The following RECK variants were observed in gnomAD, a reference collection of about 807,000 sequenced individuals.
RECK encodes the protein reversion-inducing cysteine-rich protein with Kazal motifs.
Under a neutral mutation model 115.1 loss-of-function variants are expected in RECK, and 69 were observed. The ratio of observed to expected loss-of-function variants is 0.60; its 90% CI spans 0.49 to 0.73. The LOEUF (loss-of-function observed/expected upper bound fraction) is 0.73. Among genes scored for constraint, RECK ranks in the 30% least tolerant of loss-of-function variants. The pLI is 0.00. For synonymous variants in RECK, 414 were observed against 419.7 expected (o/e 0.99, Z 0.17); for missense variants, 1,047 against 1,203.7 (o/e 0.87, Z 1.93).
In RECK at chr9:36,122,887, T is replaced by G; in HGVS notation, c.2758T>G (p.Leu920Val). ...ESLINSDSPTLASHVPLSALI... is the reference protein window; with the variant it reads ...ESLINSDSPTVASHVPLSALI... ...CCTTATCAACTCTGACAGCCCGACTTTGGCGTCCCATGTCCCTCTCTCTGC... is the reference window on the plus strand; with the variant it reads ...CCTTATCAACTCTGACAGCCCGACTGTGGCGTCCCATGTCCCTCTCTCTGC... The change falls in exon 21 of 21, where the codon TTG becomes GTG. Residue 920 changes from leucine to valine, a missense_variant. Leu to Val is a conservative substitution (Grantham distance 32, BLOSUM62 1). Coordinates refer to ENST00000377966, the MANE Select transcript of RECK (RefSeq NM_021111.3). The G allele has an allele frequency of 6.2e-7, 1 of 1,614,236 alleles. No individual in the cohort carries two copies. The highest frequency in any genetic ancestry group is 1.7e-5 in the Admixed American group (1 of 60,022).
intron 6 of RECK, among the ~76,000 whole-genome samples, chr9:36,075,396 A>G (rs7873363): frequency 0.025 from 3,872 of 152,218 alleles, 171 homozygotes; most frequent in African/African-American, 0.087. Flanking sequence ...GTCTAGACCT[A>G]TAAAGCTCAT....
At chr9:36,069,555 G>A (rs563908571) in intron 6 of RECK, among the ~76,000 whole-genome samples, 40 of 150,354 alleles carry the variant, frequency 2.7e-4, no homozygotes, top group African/African-American at 9.5e-4. Context: ...CAGTATAATT[G>A]AAATACAAAC....
rs540897034 is a variant in RECK, at chr9:36,114,358, G to A, written c.2060+1882G>A. ...TGTAAATTAAATTAAAACTACAATT[G>A]TGTACCACTTTCCATCTATCAGACT... On this transcript the variant is annotated intron_variant, in intron 16 of 20. Coordinates refer to ENST00000377966, the MANE Select transcript of RECK (RefSeq NM_021111.3). Among the ~76,000 whole-genome samples the A allele has an allele frequency of 9.9e-5, 15 of 152,266 alleles. No homozygotes were observed. The South Asian group carries it at 3.1e-3, about 32-fold the overall frequency.
Position 36,087,968 on chromosome 9 carries a change from A to G in RECK, c.905+7A>G. 1.3e-6 allele frequency: 2 copies of G among 1,599,184 alleles called. No individual in the cohort carries two copies. The highest frequency in any genetic ancestry group is 1.7e-5 in the Admixed American group (1 of 58,280). On this transcript the variant is annotated splice_region_variant and intron_variant, in intron 9 of 20. Transcript: ENST00000377966. ...CAAACACTTCAACATGTAGGTTAGT[A>G]TTTCATTTTCCTTTACCAAAATCAG...
intron 9 of RECK, among the ~76,000 whole-genome samples, chr9:36,089,047 G>A (rs1246170447): frequency 6.6e-6 from 1 of 151,958 alleles, no homozygotes; most frequent in Non-Finnish European, 1.5e-5. Flanking sequence ...ATTAATTAAA[G>A]ACATGAAAAA....
chr9:36,095,406 GA>G (rs1394751170), intron 10 of RECK, among the ~76,000 whole-genome samples: 11 of 152,028 alleles, frequency 7.2e-5, no homozygotes, highest in Admixed American at 4.6e-4. Flanking sequence ...AACACATAAG[GA>G]AAAAATTATG....
At chr9:36,059,120 A>G (rs1588280451) in intron 3 of RECK, among the ~76,000 whole-genome samples, 1 of 152,222 alleles carries the variant, frequency 6.6e-6, no homozygotes, top group Non-Finnish European at 1.5e-5. Context: ...TCTAAAAACA[A>G]TCTTAAATAT....
chr9:36,118,710 G>A (rs777041543), intron 17 of RECK, 47 bp from the exon 18 acceptor site: 23 of 1,576,724 alleles, frequency 1.5e-5, no homozygotes, highest in Non-Finnish European at 1.9e-5. Context: ...GTTGGGAAAG[G>A]TACAACATAG....
At chr9:36,081,198 A>C (rs910449171) in intron 7 of RECK, among the ~76,000 whole-genome samples, 1 of 152,214 alleles carries the variant, frequency 6.6e-6, no homozygotes, top group Middle Eastern at 3.2e-3. Context: ...TTACAGGTGA[A>C]GGGAACAGTG....
intron 8 of RECK, among the ~76,000 whole-genome samples, chr9:36,087,339 C>T (rs1158374613): frequency 2.0e-5 from 3 of 152,096 alleles, no homozygotes; most frequent in Non-Finnish European, 4.4e-5. Flanking sequence ...ATGTCCTTTG[C>T]AGGGACATGG....
At chr9:36,053,792 A>G (rs908249368) in intron 2 of RECK, among the ~76,000 whole-genome samples, 2 of 152,224 alleles carry the variant, frequency 1.3e-5, no homozygotes, top group East Asian at 3.8e-4. Flanking sequence ...GCTAGAAATT[A>G]TATAACTTAG....
chr9:36,061,437 C>CACACAG (rs1445280737), intron 4 of RECK, among the ~76,000 whole-genome samples: 2 of 149,998 alleles, frequency 1.3e-5, no homozygotes, highest in Non-Finnish European at 3.0e-5. Flanking sequence ...CACACACACA[C>CACACAG]AGTTGCTAAC....
At chr9:36,119,386 G>C (rs934991555) in intron 18 of RECK, among the ~76,000 whole-genome samples, 10 of 152,162 alleles carry the variant, frequency 6.6e-5, no homozygotes, top group Admixed American at 6.5e-4. Context: ...GAAGATAGTT[G>C]TTGTCTTAGA....
chr9:36,037,172 A>G (rs940795938), intron 1 of RECK, 74 bp downstream of exon 1: 2 of 537,636 alleles, frequency 3.7e-6, no homozygotes, highest in Non-Finnish European at 4.8e-6. Context: ...GGCGCGGGGC[A>G]GGGGGCGGGG....
intron 12 of RECK, among the ~76,000 whole-genome samples, chr9:36,104,292 G>GGCA (rs1554709313): frequency 2.3e-5 from 1 of 43,884 alleles, no homozygotes; most frequent in East Asian, 7.9e-4. Flanking sequence ...GTGTGTGTGT[G>GGCA]TATATATATA....
chr9:36,116,478 G>A (rs967109832), intron 16 of RECK, among the ~76,000 whole-genome samples: 18 of 152,154 alleles, frequency 1.2e-4, no homozygotes, highest in African/African-American at 3.9e-4. Context: ...AGTTAAGCCC[G>A]TGGAAGTGTT....
In RECK at chr9:36,058,819, T is replaced by A; in HGVS notation, c.160-8T>A. 1 of 1,579,124 alleles carries A rather than the reference T, an allele frequency of 6.3e-7. No individual in the cohort carries two copies. ...TGCCACAAAAACTTTTTTTTTTTTG[T>A]CAAATAGATTTTCTCCTCAAAAAGT... On this transcript the variant is annotated splice_polypyrimidine_tract_variant and splice_region_variant and intron_variant, in intron 2 of 20. Coordinates refer to ENST00000377966, the MANE Select transcript of RECK (RefSeq NM_021111.3).
At chr9:36,040,763 G>A (rs7853496) in intron 1 of RECK, among the ~76,000 whole-genome samples, 3,775 of 151,732 alleles carry the variant, frequency 0.025, 170 homozygotes, top group African/African-American at 0.087. Flanking sequence ...TGTTGCTGAT[G>A]GATTAGATGT....
Position 36,105,177 on chromosome 9 carries a change from G to C in RECK, c.1470G>C (p.Val490=). The C allele has an allele frequency of 6.2e-7, 1 of 1,614,040 alleles. No individual in the cohort carries two copies. Among genetic ancestry groups the C allele is most frequent in the African/African-American group, 1.3e-5 (1 of 75,018 alleles). The change falls in exon 13 of 21, where the codon GTG becomes GTC. Residue 490 remains valine, a synonymous_variant. Transcript: ENST00000377966. The stretch of plus-strand genomic sequence containing the variant: ...CTTTAGGTAACATTGTAGAAGAAGT[G>C]ACTCATCCCTGTAACCCAAATCCTT... The part of the protein sequence containing the change: ...PSTLGNIVEE[V]THPCNPNPCP...
Sources: allele counts gnomAD v4.1 joint callset (sites outside exome capture counted in the v4.1 genomes callset), GRCh38; gene constraint gnomAD v4.1.1; transcripts MANE v1.5; gene names NCBI Gene and HGNC (gene_info 2026-07-23, HGNC 2026-07-21).